Variants in WDR37 observed in about 807,000 individuals in gnomAD.
WDR37 encodes WD repeat-containing protein 37.
In WDR37, 19 loss-of-function variants were observed where a neutral mutation model predicts 62.9. The ratio of observed to expected loss-of-function variants is 0.30; its 90% CI spans 0.21 to 0.44. The LOEUF is 0.44. Among genes scored for constraint, WDR37 ranks in the 20% least tolerant of loss-of-function variants. The pLI is 1.00. For synonymous variants in WDR37, 250 were observed against 260.9 expected, an observed-to-expected ratio of 0.96 and a Z score of 0.40; for missense variants, 474 against 657.6, an observed-to-expected ratio of 0.72 and a Z score of 3.05.
intron 11 of WDR37, among the ~76,000 whole-genome samples, chr10:1,117,610 A>C (rs1589121110): frequency 6.6e-6 from 1 of 152,332 alleles, no homozygotes; most frequent in Admixed American, 6.5e-5. Flanking sequence ...ACACATACTC[A>C]AAACTTCCTA....
chr10:1,109,807 T>C (rs36051896), intron 11 of WDR37, among the ~76,000 whole-genome samples: 23,413 of 152,274 alleles, frequency 0.15, 1,975 homozygotes, highest in Non-Finnish European at 0.18. Flanking sequence ...GCTGTACTTA[T>C]GAAGAATGTA....
intron 11 of WDR37, among the ~76,000 whole-genome samples, chr10:1,115,092 C>T (rs1044653402): frequency 6.7e-6 from 1 of 150,202 alleles, no homozygotes. Context: ...GGCGAGGTGT[C>T]ACTGGCCATT....
chr10:1,065,258 G>T (rs1833499636), intron 1 of WDR37, among the ~76,000 whole-genome samples: 1 of 152,182 alleles, frequency 6.6e-6, no homozygotes, highest in African/African-American at 2.4e-5. Context: ...TATAAATGGG[G>T]AAAGGTAAAG....
chr10:1,092,398 G>A (rs934460601), intron 7 of WDR37, among the ~76,000 whole-genome samples: 25 of 150,910 alleles, frequency 1.7e-4, no homozygotes, highest in Non-Finnish European at 3.1e-4. Context: ...ACGGAATCTC[G>A]CTCTGTCGCC....
chr10:1,107,233 A>C (rs1158908665), intron 11 of WDR37, among the ~76,000 whole-genome samples: 2 of 152,180 alleles, frequency 1.3e-5, no homozygotes, highest in East Asian at 1.9e-4. Flanking sequence ...CCCGACGTCC[A>C]CCAGATGCAG....
In WDR37 at chr10:1,108,747, C is replaced by T. The variant is rs1044401826; in HGVS notation, c.1103+3480C>T. 6.4e-5 allele frequency among the ~76,000 whole-genome samples: 9 copies of T among 140,246 alleles called. 1 individual carries two copies. Among genetic ancestry groups the T allele is most frequent in the African/African-American group, 1.6e-4 (6 of 36,390 alleles). 92.0% of individuals were successfully genotyped at this position (140,246 alleles called of 152,430 possible). A position where few individuals can be genotyped will look rare whatever the true frequency, so the allele number is the denominator to read the frequency against. On this transcript the variant is annotated intron_variant, in intron 11 of 13. Transcript: ENST00000263150. Reference sequence around the variant, plus strand: ...GTTTTGGCTTCTGTGATGCCCCCCCCCCCCGTGGAACCTGCAGGGCCCTGA... The same window carrying T: ...GTTTTGGCTTCTGTGATGCCCCCCCTCCCCGTGGAACCTGCAGGGCCCTGA...
At chr10:1,087,212 T>C (rs1834231435) in intron 7 of WDR37, among the ~76,000 whole-genome samples, 1 of 151,950 alleles carries the variant, frequency 6.6e-6, no homozygotes. Flanking sequence ...GCCTTTCCCG[T>C]GTTAGACCCC....
intron 11 of WDR37, among the ~76,000 whole-genome samples, chr10:1,109,767 A>G (rs571663955): frequency 6.6e-6 from 1 of 152,360 alleles, no homozygotes; most frequent in South Asian, 2.1e-4. Flanking sequence ...CAGCTAGTGG[A>G]TACATGAAAC....
At position 1,088,694 on chromosome 10, in the gene WDR37, T is replaced by TA. The variant is rs112287538; in HGVS notation, c.604+2350dup. Reference sequence around the variant, plus strand: ...GGTCAAGGTGCTGGCAAAAAGAAATTAAAAAAAAAAAAAGAAAAAGTTTGA... The same window carrying TA: ...GGTCAAGGTGCTGGCAAAAAGAAATTAAAAAAAAAAAAAAGAAAAAGTTTGA... On this transcript the variant is annotated intron_variant, in intron 7 of 13. Transcript: ENST00000263150. 9.6e-3 allele frequency among the ~76,000 whole-genome samples: 1,309 copies of TA among 136,724 alleles called. 22 individuals carry two copies. Among genetic ancestry groups the TA allele is most frequent in the African/African-American group, 0.032 (1,193 of 37,220 alleles). 89.7% of individuals were successfully genotyped at this position (136,724 alleles called of 152,430 possible).
chr10:1,114,019 C>T (rs1329669249), intron 11 of WDR37, among the ~76,000 whole-genome samples: 1 of 121,894 alleles, frequency 8.2e-6, no homozygotes, highest in Non-Finnish European at 1.6e-5. Flanking sequence ...TGCAGTGGTG[C>T]TATCTTGGCT....
chr10:1,111,597 A>G (rs146154292), intron 11 of WDR37, among the ~76,000 whole-genome samples: 100 of 152,252 alleles, frequency 6.6e-4, no homozygotes, highest in African/African-American at 2.2e-3. Context: ...ACGTGTTTAG[A>G]AGGACCAGTC....
At chr10:1,058,172 C>CA (rs1346079932) in intron 1 of WDR37, among the ~76,000 whole-genome samples, 1 of 152,208 alleles carries the variant, frequency 6.6e-6, no homozygotes, top group Non-Finnish European at 1.5e-5. Context: ...TCACAGGAGA[C>CA]AGAGTAGGGA....
chr10:1,080,261 TTGTTCC>T, intron 4 of WDR37, 145 bp from the exon 5 acceptor site: 1 of 1,252,286 alleles, frequency 8.0e-7, no homozygotes. Context: ...AGCTCGGTTC[TTGTTCC>T]TGTTCTGCCA....
chr10:1,125,094 C>T lies in WDR37; in HGVS notation c.1353+70C>T, dbSNP rs1057038340. 1.1e-5 allele frequency: 17 copies of T among 1,557,166 alleles called. No homozygotes were observed. The East Asian group carries it at 2.3e-4, about 21-fold the overall frequency. On this transcript the variant is annotated intron_variant, in intron 13 of 13. Transcript: ENST00000263150. ...GACGGGTAGAGATATTTTACATTCT[C>T]ATTTTCTTACTAAGTCTTTGCATGC...
chr10:1,107,137 C>A (rs1835048887), intron 11 of WDR37, among the ~76,000 whole-genome samples: 1 of 152,256 alleles, frequency 6.6e-6, no homozygotes. Context: ...GGGCCTGACC[C>A]CGCTGCAGGC....
At chr10:1,072,380 C>G in intron 2 of WDR37, 87 bp downstream of exon 2, 1 of 1,533,922 alleles carries the variant, frequency 6.5e-7, no homozygotes, top group South Asian at 1.2e-5. Flanking sequence ...TGCGATGGTG[C>G]GATCTCCGCT....
chr10:1,085,934 T>C (rs927672372), intron 6 of WDR37, among the ~76,000 whole-genome samples: 5 of 152,226 alleles, frequency 3.3e-5, no homozygotes, highest in African/African-American at 1.2e-4. Flanking sequence ...ATTTGAACTC[T>C]GGGAGATGTT....
At chr10:1,095,280 G>T (rs547650294) in intron 8 of WDR37, among the ~76,000 whole-genome samples, 11,776 of 144,742 alleles carry the variant, frequency 0.081, 1,195 homozygotes, top group African/African-American at 0.23. Flanking sequence ...CTTGGAAACT[G>T]GAGGTAATGG....
chr10:1,120,163 C>T (rs1339940313), intron 11 of WDR37, among the ~76,000 whole-genome samples: 2 of 152,140 alleles, frequency 1.3e-5, no homozygotes, highest in African/African-American at 4.8e-5. Context: ...TCTTGAATTC[C>T]AAAAGGCGTG....
Sources: allele counts gnomAD v4.1 joint callset (sites outside exome capture counted in the v4.1 genomes callset), GRCh38; gene constraint gnomAD v4.1.1; transcripts MANE v1.5; gene names NCBI Gene and HGNC (gene_info 2026-07-23, HGNC 2026-07-21).